The following CMTM8 variants were observed in gnomAD, a reference collection of about 807,000 sequenced individuals.
The protein encoded by CMTM8 is CKLF-like MARVEL transmembrane domain-containing protein 8.
In CMTM8, 12 loss-of-function variants were observed where a neutral mutation model predicts 18.6. The ratio of observed to expected loss-of-function variants is 0.65; its 90% confidence interval spans 0.41 to 1.05. CMTM8 has a LOEUF of 1.05. CMTM8 is among the 50% of genes least tolerant of loss of function. The pLI is 0.00. For missense variants in CMTM8, 217 were observed against 227.2 expected, an observed-to-expected ratio of 0.95 and a Z score of 0.29; for synonymous variants, 87 against 90.6, an observed-to-expected ratio of 0.96 and a Z score of 0.23.
At position 32,346,327 on chromosome 3, in the gene CMTM8, T is replaced by C. The variant is rs760860905; in HGVS notation, c.148-11046T>C. Among the ~76,000 whole-genome samples, 16 of 152,350 alleles carry C rather than the reference T, an allele frequency of 1.1e-4. 1 individual carries two copies. The East Asian group carries it at 1.7e-3, about 17-fold the overall frequency. Reference sequence around the variant, plus strand: ...TACCCGTATCTATAGTTATAAATAATATGTGAGCTGTCATCTTCTGATTCA... The same window carrying C: ...TACCCGTATCTATAGTTATAAATAACATGTGAGCTGTCATCTTCTGATTCA... On this transcript the variant is annotated intron_variant, in intron 1 of 3. Transcript: ENST00000307526.
intron 1 of CMTM8, 98 bp from the exon 2 acceptor site, chr3:32,357,275 A>T: frequency 1.1e-6 from 1 of 915,184 alleles, no homozygotes; most frequent in South Asian, 1.7e-5. Flanking sequence ...TGTAATTGAC[A>T]TTCTGTATAA....
chr3:32,299,517 T>C (rs956155817), intron 1 of CMTM8, among the ~76,000 whole-genome samples: 11 of 152,240 alleles, frequency 7.2e-5, no homozygotes, highest in African/African-American at 2.4e-4. Context: ...TAGGTGCTTA[T>C]GTACCTGGGG....
intron 2 of CMTM8, among the ~76,000 whole-genome samples, chr3:32,361,433 G>A (rs112612683): frequency 0.014 from 2,077 of 152,152 alleles, 38 homozygotes; most frequent in African/African-American, 0.048. Context: ...CCTGCTAAGA[G>A]GGATAATGAA....
chr3:32,346,847 G>T (rs1440122604), intron 1 of CMTM8, among the ~76,000 whole-genome samples: 4 of 148,422 alleles, frequency 2.7e-5, no homozygotes, highest in East Asian at 3.9e-4. Flanking sequence ...TTGAGACAGG[G>T]TCTCACTCTG....
intron 1 of CMTM8, among the ~76,000 whole-genome samples, chr3:32,292,182 G>A (rs1041711372): frequency 4.6e-5 from 7 of 152,154 alleles, no homozygotes; most frequent in Non-Finnish European, 1.0e-4. Flanking sequence ...GTTTGCGTGT[G>A]GTAGAAATGT....
intron 1 of CMTM8, chr3:32,259,960 C>A: frequency 2.7e-6 from 3 of 1,128,938 alleles, no homozygotes; most frequent in Non-Finnish European, 3.9e-6. Flanking sequence ...TCAACGGGAT[C>A]CTGCTGCACC....
intron 1 of CMTM8, among the ~76,000 whole-genome samples, chr3:32,251,993 G>A (rs573373721): frequency 1.8e-4 from 27 of 152,202 alleles, no homozygotes; most frequent in Non-Finnish European, 3.1e-4. Flanking sequence ...GGGAGGCTGA[G>A]GTGGGAGGAT....
At chr3:32,343,527 C>T (rs1432187600) in intron 1 of CMTM8, among the ~76,000 whole-genome samples, 2 of 152,232 alleles carry the variant, frequency 1.3e-5, no homozygotes, top group Non-Finnish European at 2.9e-5. Context: ...TTGTCTCTCA[C>T]TTCCTCTGAC....
At chr3:32,298,004 G>A (rs571838179) in intron 1 of CMTM8, among the ~76,000 whole-genome samples, 1 of 151,650 alleles carries the variant, frequency 6.6e-6, no homozygotes, top group Non-Finnish European at 1.5e-5. Flanking sequence ...ATGGTCATCA[G>A]CAGCAGCCAT....
At chr3:32,347,297 G>GTTTTTTTTTTTGTTTT (rs1696616735) in intron 1 of CMTM8, among the ~76,000 whole-genome samples, 1 of 136,534 alleles carries the variant, frequency 7.3e-6, no homozygotes, top group African/African-American at 2.7e-5. Context: ...TTTTGCTTAG[G>GTTTTTTTTTTTGTTTT]TTTTTTTTTT....
chr3:32,277,436 CTA>C (rs1702536852), intron 1 of CMTM8, among the ~76,000 whole-genome samples: 1 of 151,176 alleles, frequency 6.6e-6, no homozygotes, highest in Non-Finnish European at 1.5e-5. Flanking sequence ...CAGAGTCTCA[CTA>C]TGTTACCCAG....
At chr3:32,240,425 G>A (rs1701933508) in intron 1 of CMTM8, among the ~76,000 whole-genome samples, 1 of 152,202 alleles carries the variant, frequency 6.6e-6, no homozygotes, top group Admixed American at 6.5e-5. Context: ...TATTTGCTGT[G>A]CAAATGAAGG....
In CMTM8 at chr3:32,364,461, G is replaced by A. The variant is rs1033749454; in HGVS notation, c.322-3411G>A. ...AGAGGTTGCAGTGAGCCAAAATCAC[G>A]CTACTGCAGTCAGCCTGGGTGACAG... On this transcript the variant is annotated intron_variant, in intron 2 of 3. Transcript: ENST00000307526. 1.1e-4 allele frequency among the ~76,000 whole-genome samples: 16 copies of A among 152,198 alleles called. No individual in the cohort carries two copies. In the South Asian group the frequency reaches 1.7e-3, roughly 16 times the overall value.
At chr3:32,350,770 G>A (rs867197328) in intron 1 of CMTM8, among the ~76,000 whole-genome samples, 31 of 152,072 alleles carry the variant, frequency 2.0e-4, no homozygotes, top group Middle Eastern at 3.4e-3. Flanking sequence ...TGATCCAGCC[G>A]CCTCAGCCTC....
chr3:32,266,580 C>T lies in CMTM8; in HGVS notation c.147+27461C>T, dbSNP rs1414523250. Among the ~76,000 whole-genome samples, 12 of 152,292 alleles carry T rather than the reference C, an allele frequency of 7.9e-5. No homozygotes were observed. In the East Asian group the frequency reaches 1.7e-3, roughly 22 times the overall value. ...GCCCTCTCTCACCACTCCTATTCAA[C>T]ATAGTGTTGGAAGTTCTGGCCAGGG... is the stretch of plus-strand genomic sequence containing the variant. On this transcript the variant is annotated intron_variant, in intron 1 of 3. Coordinates refer to ENST00000307526, the MANE Select transcript of CMTM8 (RefSeq NM_178868.5).
intron 1 of CMTM8, among the ~76,000 whole-genome samples, chr3:32,299,002 G>A (rs376270212): frequency 1.4e-5 from 2 of 138,102 alleles, no homozygotes; most frequent in African/African-American, 2.7e-5. Flanking sequence ...TGCCCAAGCC[G>A]CTCTTGGACT....
chr3:32,354,965 C>G (rs1236334013), intron 1 of CMTM8, among the ~76,000 whole-genome samples: 1 of 152,172 alleles, frequency 6.6e-6, no homozygotes, highest in African/African-American at 2.4e-5. Context: ...AACACAAAAG[C>G]ACATCTCCAT....
rs958876112 is a variant in CMTM8 at position 32,238,754 on chromosome 3, G to C, written c.-219G>C. On this transcript the variant is annotated 5_prime_UTR_variant, in exon 1 of 4. Transcript: ENST00000307526. ...CCTCTTCCTCTAGGGCCCCAGCGCA[G>C]CTCGGGAGCCCGCGCACCGAGGCGC... The C allele has an allele frequency of 3.7e-6, 1 of 271,056 alleles. No homozygotes were observed. Among genetic ancestry groups the C allele is most frequent in the African/African-American group, 2.3e-5 (1 of 44,364 alleles). 16.8% of individuals were successfully genotyped at this position (271,056 alleles called of 1,614,324 possible).
intron 1 of CMTM8, among the ~76,000 whole-genome samples, chr3:32,272,548 A>G (rs75344239): frequency 0.15 from 22,015 of 151,728 alleles, 1,633 homozygotes; most frequent in Middle Eastern, 0.2. Flanking sequence ...TATAACTTCA[A>G]TTTTATTAAT....
Sources: allele counts gnomAD v4.1 joint callset (sites outside exome capture counted in the v4.1 genomes callset), GRCh38; gene constraint gnomAD v4.1.1; transcripts MANE v1.5; gene names NCBI Gene and HGNC (gene_info 2026-07-23, HGNC 2026-07-21).